MAML2: variants seen among roughly 807,000 people sequenced by gnomAD.
MAML2 encodes the protein mastermind like transcriptional coactivator 2.
In MAML2, 22 loss-of-function variants were observed where a neutral mutation model predicts 96.1. The ratio of observed to expected loss-of-function variants is 0.23; its 90% CI spans 0.16 to 0.33. The LOEUF is 0.33. Among genes scored for constraint, MAML2 ranks in the 10% least tolerant of loss-of-function variants. MAML2 has a pLI of 1.00. For missense variants in MAML2, 1,367 were observed against 1,392.4 expected (o/e 0.98, Z 0.29); for synonymous variants, 561 against 521.3 (o/e 1.08, Z -1.04).
intron 1 of MAML2, among the ~76,000 whole-genome samples, chr11:96,275,889 G>A (rs1862982559): frequency 6.6e-6 from 1 of 152,104 alleles, no homozygotes; most frequent in South Asian, 2.1e-4. Flanking sequence ...CTATGGGTAA[G>A]AGCTAAATAT....
chr11:96,232,339 T>C (rs914322457), intron 1 of MAML2, among the ~76,000 whole-genome samples: 1 of 152,224 alleles, frequency 6.6e-6, no homozygotes, highest in African/African-American at 2.4e-5. Flanking sequence ...CTAAAAGTGC[T>C]ACAGAAATTC....
At chr11:96,167,149 T>A (rs1474422396) in intron 1 of MAML2, among the ~76,000 whole-genome samples, 1 of 152,138 alleles carries the variant, frequency 6.6e-6, no homozygotes, top group Non-Finnish European at 1.5e-5. Context: ...TTTCTTGGAG[T>A]CCTTATTTCA....
rs541745562 is a variant in MAML2, at chr11:96,233,557, A to G, written c.513+107826T>C. 3.9e-5 allele frequency among the ~76,000 whole-genome samples: 6 copies of G among 152,224 alleles called. No individual in the cohort carries two copies. The East Asian group carries it at 1.2e-3, about 29-fold the overall frequency. ...TTAGTAGCTAGGACAATAGGTGTAC[A>G]CCACCACATCCAGCTAATTTTTAAA... On this transcript the variant is annotated intron_variant, in intron 1 of 4. Transcript: ENST00000524717.
intron 1 of MAML2, among the ~76,000 whole-genome samples, chr11:96,170,459 C>T (rs762652965): frequency 2.6e-5 from 4 of 152,166 alleles, no homozygotes; most frequent in Non-Finnish European, 5.9e-5. Context: ...AGTCTTATCA[C>T]AGATACAGTT....
At chr11:96,322,648 C>T (rs1384736339) in intron 1 of MAML2, among the ~76,000 whole-genome samples, 4 of 152,090 alleles carry the variant, frequency 2.6e-5, no homozygotes, top group African/African-American at 7.2e-5. Context: ...GCCGAGATCG[C>T]GCCACTGCAC....
Position 95,978,774 on chromosome 11 carries a change from A to G in MAML2, c.*174T>C. The G allele has an allele frequency of 1.6e-6, 1 of 627,372 alleles. No individual in the cohort carries two copies. Among genetic ancestry groups the G allele is most frequent in the Non-Finnish European group, 2.7e-6 (1 of 375,524 alleles). 38.9% of individuals were successfully genotyped at this position (627,372 alleles called of 1,614,324 possible). A position where few individuals can be genotyped will look rare whatever the true frequency, so the allele number is the denominator to read the frequency against. On this transcript the variant is annotated 3_prime_UTR_variant, in exon 5 of 5. Transcript: ENST00000524717. ...TATTTTACTTTCAGGTGTAAGATTT[A>G]AAACAAGAATTTGGACCAAAATGTT...
chr11:96,282,760 A>G (rs1461093646), intron 1 of MAML2, among the ~76,000 whole-genome samples: 1 of 152,192 alleles, frequency 6.6e-6, no homozygotes, highest in African/African-American at 2.4e-5. Context: ...ACCTCAAAAA[A>G]TTTGTACTAC....
intron 1 of MAML2, among the ~76,000 whole-genome samples, chr11:96,166,215 A>ACACACACACACC (rs1372110272): frequency 1.6e-4 from 23 of 145,274 alleles, no homozygotes; most frequent in African/African-American, 3.1e-4. Context: ...ACACACACAC[A>ACACACACACACC]CCCCACATTA....
At chr11:96,254,921 T>C (rs1017342498) in intron 1 of MAML2, among the ~76,000 whole-genome samples, 45 of 152,242 alleles carry the variant, frequency 3.0e-4, no homozygotes, top group African/African-American at 1.0e-3. Flanking sequence ...GCTCAGGTGA[T>C]TCTCTCACCT....
chr11:96,246,313 T>C (rs1490146492), intron 1 of MAML2, among the ~76,000 whole-genome samples: 5 of 152,060 alleles, frequency 3.3e-5, no homozygotes, highest in Non-Finnish European at 7.4e-5. Context: ...TTCTGAAGTA[T>C]AAGGAGGTGT....
chr11:96,034,513 T>G (rs970516412), intron 2 of MAML2, among the ~76,000 whole-genome samples: 1 of 151,782 alleles, frequency 6.6e-6, no homozygotes, highest in Non-Finnish European at 1.5e-5. Context: ...ACATTTGTTA[T>G]TTATGAAACC....
intron 1 of MAML2, among the ~76,000 whole-genome samples, chr11:96,297,656 A>T (rs1463364932): frequency 1.3e-5 from 2 of 152,224 alleles, no homozygotes; most frequent in Non-Finnish European, 2.9e-5. Flanking sequence ...ATTAGTATGA[A>T]GAATTTCAAA....
chr11:95,991,633 A>G lies in MAML2; in HGVS notation c.2230T>C (p.Ser744Pro), dbSNP rs377718387. Residue 744 changes from serine to proline, a missense_variant, in exon 3 of 5, where the codon TCC becomes CCC. Ser to Pro is a moderately conservative substitution (Grantham distance 74, BLOSUM62 -1). Coordinates refer to ENST00000524717, the MANE Select transcript of MAML2 (RefSeq NM_032427.4). ...TGCTGATTCAACAGTGATTGCTGGGAGTTCATGTAACCACTTCCAGTGTTT... is the reference window on the plus strand; with the variant it reads ...TGCTGATTCAACAGTGATTGCTGGGGGTTCATGTAACCACTTCCAGTGTTT... ...NPNTGSGYMN[S>P]QQSLLNQQLM... 1.2e-5 allele frequency: 19 copies of G among 1,613,720 alleles called. No homozygotes were observed. The African/African-American group carries it at 2.5e-4, about 22-fold the overall frequency.
At chr11:96,212,108 AGTGTGTGTGTGTGTGTGTGTGTGT>A (rs72133828) in intron 1 of MAML2, among the ~76,000 whole-genome samples, 1 of 134,146 alleles carries the variant, frequency 7.5e-6, no homozygotes, top group Non-Finnish European at 1.6e-5. Context: ...AGGAAGACAA[AGTGTGTGTGTGTGTGTGTGTGTGT>A]GTGTGTGTGT....
At chr11:96,040,165 T>C (rs1289853510) in intron 2 of MAML2, among the ~76,000 whole-genome samples, 1 of 152,108 alleles carries the variant, frequency 6.6e-6, no homozygotes, top group Admixed American at 6.5e-5. Flanking sequence ...CCAGGTACAC[T>C]TCAAGGTGAC....
In MAML2 at chr11:95,979,486, G is replaced by A. The variant is rs2135698059; in HGVS notation, c.2933C>T (p.Ala978Val). 1 of 1,613,598 alleles carries A rather than the reference G, an allele frequency of 6.2e-7. No individual in the cohort carries two copies. Among genetic ancestry groups the A allele is most frequent in the Non-Finnish European group, 8.5e-7 (1 of 1,179,758 alleles). Residue 978 changes from alanine (A) to valine (V), a missense_variant, in exon 5 of 5, where the codon GCC (alanine) becomes GTC (valine). Ala to Val is a moderately conservative substitution (Grantham distance 64). Coordinates refer to ENST00000524717, the MANE Select transcript of MAML2 (RefSeq NM_032427.4). The part of the protein sequence containing the change: ...SQEGTSKQQE[A>V]LTSAGVRFPT... ...GAAGCGGACTCCTGCAGACGTCAGG[G>A]CTTCTTGCTGTTTGCTTGTTCCTTC...
intron 1 of MAML2, among the ~76,000 whole-genome samples, chr11:96,212,108 AGTGTGTGTGTGTGTGTGTGT>A (rs72133828): frequency 3.0e-5 from 4 of 134,146 alleles, no homozygotes; most frequent in East Asian, 2.3e-4. Context: ...AGGAAGACAA[AGTGTGTGTGTGTGTGTGTGT>A]GTGTGTGTGT....
intron 2 of MAML2, among the ~76,000 whole-genome samples, chr11:96,081,483 A>G (rs1859528917): frequency 6.6e-6 from 1 of 151,836 alleles, no homozygotes; most frequent in African/African-American, 2.4e-5. Flanking sequence ...ATTTGCCTCC[A>G]TTTAATGAAT....
rs568896176 is a variant in MAML2, at chr11:96,244,988, T to A, written c.513+96395A>T. On this transcript the variant is annotated intron_variant, in intron 1 of 4. Coordinates refer to ENST00000524717, the MANE Select transcript of MAML2 (RefSeq NM_032427.4). ...GTATCTTAAAATGTCAGATGTTAGA[T>A]GTGAGATTATACATCCATACTGAAC... Among the ~76,000 whole-genome samples the A allele has an allele frequency of 1.4e-3, 215 of 152,332 alleles. 1 individual carries two copies. The highest frequency in any genetic ancestry group is 2.2e-3 in the Admixed American group (34 of 15,302).
Sources: gnomAD v4.1 joint callset for allele counts (sites outside exome capture counted in the v4.1 genomes callset) on GRCh38, gnomAD v4.1.1 for gene constraint, MANE v1.5 for transcripts, NCBI Gene and HGNC (gene_info 2026-07-23, HGNC 2026-07-21) for gene names.